LCP2: variants seen among roughly 807,000 people sequenced by gnomAD.
LCP2 encodes lymphocyte cytosolic protein 2.
LCP2 carries 29 observed loss-of-function variants against 74.5 expected under a neutral mutation model. The ratio of observed to expected loss-of-function variants is 0.39; its 90% CI spans 0.29 to 0.53. The LOEUF is 0.53. Among genes scored for constraint, LCP2 ranks in the 20% least tolerant of loss-of-function variants. The pLI, the probability that LCP2 is intolerant of heterozygous loss-of-function variation, is 0.72. For synonymous variants in LCP2, 228 were observed against 229.5 expected (o/e 0.99, Z 0.06); for missense variants, 604 against 634.6 (o/e 0.95, Z 0.52).
intron 3 of LCP2, 100 bp from the exon 4 acceptor site, chr5:170,275,960 C>T (rs1371178725): frequency 9.8e-7 from 1 of 1,019,686 alleles, no homozygotes; most frequent in Non-Finnish European, 1.5e-6. Context: ...CTTGGGGCAC[C>T]AGGGCCAACT....
chr5:170,273,851 C>G (rs995139493), intron 6 of LCP2: 2 of 156,920 alleles, frequency 1.3e-5, no homozygotes, highest in East Asian at 3.8e-4. Flanking sequence ...TCCGTGTCAC[C>G]GATGGGGACT....
chr5:170,269,535 C>G (rs1208449099), intron 7 of LCP2, among the ~76,000 whole-genome samples: 18 of 152,256 alleles, frequency 1.2e-4, no homozygotes, highest in African/African-American at 4.3e-4. Flanking sequence ...ACAGCCATTT[C>G]TACTGCTCCA....
At chr5:170,281,145 G>A (rs1292827123) in intron 3 of LCP2, among the ~76,000 whole-genome samples, 2 of 152,210 alleles carry the variant, frequency 1.3e-5, no homozygotes, top group Non-Finnish European at 2.9e-5. Context: ...GGACAGCCAA[G>A]GGAGGCACCT....
intron 6 of LCP2, among the ~76,000 whole-genome samples, chr5:170,271,756 G>A (rs1430755021): frequency 6.6e-6 from 1 of 151,914 alleles, no homozygotes; most frequent in East Asian, 1.9e-4. Flanking sequence ...AAGTCCAGGG[G>A]GTGAGTCAAT....
intron 6 of LCP2, among the ~76,000 whole-genome samples, chr5:170,271,981 T>C (rs929830107): frequency 3.9e-5 from 6 of 152,192 alleles, no homozygotes; most frequent in Admixed American, 2.6e-4. Context: ...AAAGTGAGCA[T>C]TGGGTGCCTT....
chr5:170,258,391 G>A (rs1761598509), intron 15 of LCP2: 1 of 470,594 alleles, frequency 2.1e-6, no homozygotes, highest in Non-Finnish European at 3.8e-6. Flanking sequence ...AGATCTAGAT[G>A]ATACTCTAAA....
intron 1 of LCP2, among the ~76,000 whole-genome samples, chr5:170,294,313 G>A (rs1242622666): frequency 6.6e-6 from 1 of 152,300 alleles, no homozygotes; most frequent in Non-Finnish European, 1.5e-5. Context: ...GAGATAAATT[G>A]TTTAAGTCAG....
chr5:170,249,362 G>GTGTATA (rs549497220), intron 20 of LCP2, among the ~76,000 whole-genome samples: 9 of 108,144 alleles, frequency 8.3e-5, no homozygotes, highest in Non-Finnish European at 1.3e-4. Flanking sequence ...GCATGCGTGT[G>GTGTATA]TATATATATA....
intron 2 of LCP2, among the ~76,000 whole-genome samples, chr5:170,288,561 A>C (rs1470698323): frequency 6.6e-6 from 1 of 152,194 alleles, no homozygotes; most frequent in Non-Finnish European, 1.5e-5. Flanking sequence ...GGGAACTGAG[A>C]AGGGAGGGGA....
chr5:170,281,720 G>C (rs1002775071), intron 3 of LCP2, among the ~76,000 whole-genome samples: 8 of 152,184 alleles, frequency 5.3e-5, no homozygotes, highest in African/African-American at 1.9e-4. Context: ...AGCCTTACAG[G>C]AAGACAGACA....
Position 170,262,761 on chromosome 5 carries a change from G to A in LCP2, c.819-19C>T, listed in dbSNP as rs766252949. 1 of 1,613,354 alleles carries A rather than the reference G, an allele frequency of 6.2e-7. No homozygotes were observed. The highest frequency in any genetic ancestry group is 8.5e-7 in the Non-Finnish European group (1 of 1,179,306). ...GAGTGACCTGTGGAGTTCAGGAAAA[G>A]GATGTGTAAGAAACAAACTTTGCCG... On this transcript the variant is annotated intron_variant, in intron 12 of 20. Transcript: ENST00000046794.
At chr5:170,279,205 G>T (rs1251650293) in intron 3 of LCP2, among the ~76,000 whole-genome samples, 1 of 152,118 alleles carries the variant, frequency 6.6e-6, no homozygotes, top group Admixed American at 6.5e-5. Context: ...CCTGGAAATG[G>T]GCTGAACCTC....
At chr5:170,271,204 T>C (rs905732538) in intron 6 of LCP2, among the ~76,000 whole-genome samples, 1 of 152,188 alleles carries the variant, frequency 6.6e-6, no homozygotes, top group Non-Finnish European at 1.5e-5. Flanking sequence ...GATGCTGGAA[T>C]AGAAGGTACC....
rs371938347 is a variant in LCP2 at position 170,272,762 on chromosome 5, A to G, written c.324+1539T>C. On this transcript the variant is annotated intron_variant, in intron 6 of 20. Coordinates refer to ENST00000046794, the MANE Select transcript of LCP2 (RefSeq NM_005565.5). ...CAAGTAGCTGGGACTACAGGCACGC[A>G]CCACCACGCCCAGCTAATTTTTGTA... is the stretch of plus-strand genomic sequence containing the variant. Among the ~76,000 whole-genome samples the G allele has an allele frequency of 4.0e-5, 6 of 151,266 alleles. No homozygotes were observed. In the East Asian group the frequency reaches 1.2e-3, roughly 29 times the overall value.
At chr5:170,250,385 A>G (rs1761407936) in intron 20 of LCP2, among the ~76,000 whole-genome samples, 1 of 152,230 alleles carries the variant, frequency 6.6e-6, no homozygotes, top group Non-Finnish European at 1.5e-5. Context: ...GTGTCAACTT[A>G]AAATGCAGCC....
chr5:170,286,108 A>G (rs959946185), intron 3 of LCP2, among the ~76,000 whole-genome samples: 6 of 152,218 alleles, frequency 3.9e-5, no homozygotes, highest in Non-Finnish European at 7.3e-5. Context: ...TCTGATCCCT[A>G]TTACTTAATC....
Position 170,270,715 on chromosome 5 carries a change from T to G in LCP2, c.523+4A>C. The G allele has an allele frequency of 6.4e-7, 1 of 1,568,960 alleles. No individual in the cohort carries two copies. Among genetic ancestry groups the G allele is most frequent in the Non-Finnish European group, 8.6e-7 (1 of 1,160,236 alleles). ...GGCCAGAAAATCCGGAAACGGGCCC[T>G]TACCGATGTACATGGAGTTGGAGTT... On this transcript the variant is annotated splice_donor_region_variant and intron_variant, in intron 7 of 20. Transcript: ENST00000046794.
In LCP2 at chr5:170,257,939, CCGT is replaced by C; in HGVS notation, c.1100+95_1100+97del. On this transcript the variant is annotated intron_variant, in intron 16 of 20. Transcript: ENST00000046794. ...AAAATGTTCAGACCCTACTATCTAC[CCGT>C]CATTTCCTTCTTTCTCAATCTGCCT... The C allele has an allele frequency of 2.2e-6, 3 of 1,344,938 alleles. No individual in the cohort carries two copies. The South Asian group carries it at 3.7e-5, about 16-fold the overall frequency. The allele number at this position is 1,344,938 out of a possible 1,614,324, so 83.3% of individuals were successfully genotyped here.
At chr5:170,262,821 A>C (rs1216021094) in intron 12 of LCP2, 21 bp downstream of exon 12, 1 of 1,614,028 alleles carries the variant, frequency 6.2e-7, no homozygotes, top group East Asian at 2.2e-5. Flanking sequence ...ATGTACCCTC[A>C]TGTAGATGCA....
Sources: allele counts gnomAD v4.1 joint callset (sites outside exome capture counted in the v4.1 genomes callset), GRCh38; gene constraint gnomAD v4.1.1; transcripts MANE v1.5; gene names NCBI Gene and HGNC (gene_info 2026-07-23, HGNC 2026-07-21).